POLA1: variants seen among roughly 807,000 people sequenced by gnomAD.
The protein encoded by POLA1 is DNA polymerase alpha 1, catalytic subunit.
Under a neutral mutation model 124.0 loss-of-function variants are expected in POLA1, and 15 were observed. That is an observed-to-expected ratio of 0.12 (90% CI 0.08 to 0.19). The LOEUF is 0.19. Ranked by LOEUF, POLA1 falls within the 10% of genes least tolerant of loss-of-function variation. The probability of loss-of-function intolerance (pLI) is 1.00; values close to 1 mark genes in which losing one functional copy is unlikely to be tolerated. For synonymous variants in POLA1, 408 were observed against 389.4 expected, an observed-to-expected ratio of 1.05 and a Z score of -0.56; for missense variants, 886 against 1,103.4, an observed-to-expected ratio of 0.80 and a Z score of 2.79.
At chrX:24,907,120 G>A (rs2047379834) in intron 35 of POLA1, among the ~76,000 whole-genome samples, 1 of 111,281 alleles carries the variant, frequency 9.0e-6, no homozygotes, top group Non-Finnish European at 1.9e-5. Flanking sequence ...AAACCCAGGA[G>A]TCGGCGGTTG....
intron 14 of POLA1, among the ~76,000 whole-genome samples, chrX:24,727,313 A>G (rs1930602836): frequency 9.0e-6 from 1 of 111,262 alleles, no homozygotes; most frequent in African/African-American, 3.3e-5. Flanking sequence ...GCTGTTATTC[A>G]TATGTACTTC....
intron 34 of POLA1, among the ~76,000 whole-genome samples, chrX:24,850,606 G>A (rs2046544576): frequency 9.0e-6 from 1 of 111,454 alleles, no homozygotes; most frequent in African/African-American, 3.3e-5. Flanking sequence ...GACTAACATG[G>A]AACCATCACC....
At chrX:24,753,182 C>T (rs187797814) in intron 26 of POLA1, among the ~76,000 whole-genome samples, 6 of 108,224 alleles carry the variant, frequency 5.5e-5, no homozygotes, top group Non-Finnish European at 1.1e-4. Context: ...CCATGCCCAG[C>T]TAATTTTTTG....
intron 36 of POLA1, among the ~76,000 whole-genome samples, chrX:24,955,018 C>T (rs930764380): frequency 1.8e-5 from 2 of 111,860 alleles, no homozygotes; most frequent in Non-Finnish European, 1.9e-5. Context: ...TCTGTAGCAG[C>T]GAAGTCTACC....
chrX:24,729,409 T>C (rs1042475593), intron 15 of POLA1, among the ~76,000 whole-genome samples: 6 of 112,253 alleles, frequency 5.3e-5, no homozygotes, highest in Non-Finnish European at 1.1e-4. Context: ...ACTGAGCTAA[T>C]GGCTTCATTT....
chrX:24,835,059 T>A (rs1245692414), intron 32 of POLA1, among the ~76,000 whole-genome samples: 1 of 108,782 alleles, frequency 9.2e-6, no homozygotes, highest in African/African-American at 3.3e-5. Flanking sequence ...TTTTTTTTTT[T>A]TTTAGAGACA....
chrX:24,758,717 A>G (rs1932737428), intron 26 of POLA1, among the ~76,000 whole-genome samples: 1 of 111,660 alleles, frequency 9.0e-6, no homozygotes. Flanking sequence ...GGAGTCTCGC[A>G]CTGTCTCGCT....
chrX:24,885,918 G>T (rs139826752), intron 34 of POLA1, among the ~76,000 whole-genome samples: 248 of 112,265 alleles, frequency 2.2e-3, no homozygotes, highest in African/African-American at 7.6e-3. Flanking sequence ...TTATTAAGCT[G>T]TACATGTCCA....
intron 34 of POLA1, among the ~76,000 whole-genome samples, chrX:24,854,403 T>C (rs1388721441): frequency 1.8e-5 from 2 of 112,043 alleles, no homozygotes; most frequent in African/African-American, 3.2e-5. Context: ...TTACCCATCA[T>C]TGACTTTGCA....
At chrX:24,704,592 A>T in intron 4 of POLA1, 123 bp downstream of exon 4, 1 of 487,427 alleles carries the variant, frequency 2.1e-6, no homozygotes, top group East Asian at 3.4e-5. Context: ...TTGTTTTTAG[A>T]TACGGAATAT....
intron 6 of POLA1, among the ~76,000 whole-genome samples, 159 bp from the exon 7 acceptor site, chrX:24,716,203 C>T (rs762762696): frequency 3.1e-4 from 26 of 85,092 alleles, no homozygotes; most frequent in Non-Finnish European, 4.8e-4. Flanking sequence ...AGTATTGTTG[C>T]TATAGTAACC....
At chrX:24,697,985 A>C (rs1273774293) in intron 1 of POLA1, among the ~76,000 whole-genome samples, 1 of 106,739 alleles carries the variant, frequency 9.4e-6, no homozygotes, top group Admixed American at 1.0e-4. Context: ...TCTGTCACCC[A>C]GGCTGGAGTG....
chrX:24,708,108 G>A (rs1465380646), intron 4 of POLA1, among the ~76,000 whole-genome samples: 3 of 112,014 alleles, frequency 2.7e-5, no homozygotes, highest in Non-Finnish European at 5.6e-5. Flanking sequence ...ATATTTACTT[G>A]TATTCAAATT....
intron 2 of POLA1, among the ~76,000 whole-genome samples, chrX:24,700,823 T>A: frequency 8.9e-6 from 1 of 111,970 alleles, no homozygotes; most frequent in Non-Finnish European, 1.9e-5. Flanking sequence ...ACTAAAACAT[T>A]TTTAATGTAG....
chrX:24,725,866 T>G (rs1228404987), intron 12 of POLA1, 115 bp from the exon 13 acceptor site: 2 of 498,836 alleles, frequency 4.0e-6, no homozygotes, highest in East Asian at 7.5e-5. Context: ...TGGCTTCATT[T>G]ACCTTTGTGT....
At chrX:24,855,600 A>G (rs1161542273) in intron 34 of POLA1, among the ~76,000 whole-genome samples, 1 of 111,910 alleles carries the variant, frequency 8.9e-6, no homozygotes, top group Non-Finnish European at 1.9e-5. Flanking sequence ...TTTCCATTGG[A>G]GCTTCGTCAC....
chrX:24,847,489 C>T (rs2046491817), intron 34 of POLA1, among the ~76,000 whole-genome samples: 1 of 111,676 alleles, frequency 9.0e-6, no homozygotes, highest in African/African-American at 3.3e-5. Context: ...GAGTACTTTA[C>T]TATGATTTTT....
intron 10 of POLA1, 101 bp downstream of exon 10, chrX:24,717,859 T>G (rs1929950906): frequency 7.1e-6 from 4 of 564,069 alleles, no homozygotes; most frequent in Admixed American, 9.5e-5. Context: ...GTCTTTTTAT[T>G]TAATCAGTTT....
rs1556036893 is a variant in POLA1, at chrX:24,971,931, G to GAT, written c.4262-23873_4262-23872dup. 6.9e-5 allele frequency among the ~76,000 whole-genome samples: 6 copies of GAT among 86,902 alleles called. No homozygotes were observed. The East Asian group carries it at 2.3e-3, about 33-fold the overall frequency. 75.5% of individuals were successfully genotyped at this position (86,902 alleles called of 115,157 possible). A position where few individuals can be genotyped will look rare whatever the true frequency, so the allele number is the denominator to read the frequency against. ...TCATGAAAAGGGAATGGATGTGGAA[G>GAT]ATTTTATTTTATTTTATTTTATTTT... On this transcript the variant is annotated intron_variant, in intron 36 of 36. Transcript: ENST00000379068.
Sources: allele counts gnomAD v4.1 joint callset (sites outside exome capture counted in the v4.1 genomes callset), GRCh38; gene constraint gnomAD v4.1.1; transcripts MANE v1.5; gene names NCBI Gene and HGNC (gene_info 2026-07-23, HGNC 2026-07-21).